The following ZNF287 variants were observed in gnomAD, a reference collection of about 807,000 sequenced individuals.
The protein encoded by ZNF287 is zinc finger protein 287.
A neutral mutation model predicts 73.7 loss-of-function variants in ZNF287; 31 were observed. The ratio of observed to expected loss-of-function variants is 0.42; its 90% confidence interval spans 0.32 to 0.57. The LOEUF is 0.57. Among genes scored for constraint, ZNF287 ranks in the 20% least tolerant of loss-of-function variants. The pLI, the probability that ZNF287 is intolerant of heterozygous loss-of-function variation, is 0.13. For missense variants in ZNF287, 641 were observed against 909.3 expected, an observed-to-expected ratio of 0.70 and a Z score of 3.79; for synonymous variants, 301 against 307.2, an observed-to-expected ratio of 0.98 and a Z score of 0.21.
At position 16,563,840 on chromosome 17, in the gene ZNF287, G is replaced by A. The variant is rs1907590466; in HGVS notation, c.502-15C>T. ...GTCATCGATTCCTAAAATATCAAAT[G>A]TAACTTAACTCAGTTCAAGAACTAA... On this transcript the variant is annotated splice_polypyrimidine_tract_variant and intron_variant, in intron 3 of 5. Coordinates refer to ENST00000395825, the MANE Select transcript of ZNF287 (RefSeq NM_020653.4). The A allele has an allele frequency of 1.9e-6, 3 of 1,611,352 alleles. No homozygotes were observed. The highest frequency in any genetic ancestry group is 1.3e-5 in the African/African-American group (1 of 74,878).
In ZNF287 at chr17:16,553,177, T is replaced by G. The variant is rs547584422; in HGVS notation, c.965A>C (p.Glu322Ala). 23 of 1,605,214 alleles carry G rather than the reference T, an allele frequency of 1.4e-5. No homozygotes were observed. The highest frequency in any genetic ancestry group is 1.9e-5 in the Non-Finnish European group (22 of 1,172,394). The stretch of plus-strand genomic sequence containing the variant: ...CTGTACAATTAGGTTTGAATGCTTT[T>G]CAAAATTATTTCTATATATATCATA... ...SKYDIYRNNF[E>A]KHSNLIVQFD... is the part of the protein sequence containing the mutation. The change falls in exon 6 of 6, where the codon GAA becomes GCA. Residue 322 changes from glutamate (E) to alanine (A), a missense_variant. This residue lies in a region of ZNF287 where 357 missense variants were observed against 442.4 expected (regional missense o/e 0.81). Coordinates refer to ENST00000395825, the MANE Select transcript of ZNF287 (RefSeq NM_020653.4).
chr17:16,562,297 T>C (rs1375603067), intron 5 of ZNF287, among the ~76,000 whole-genome samples: 2 of 152,202 alleles, frequency 1.3e-5, no homozygotes, highest in Admixed American at 6.5e-5. Context: ...CTTTTCAAGA[T>C]ATACTTTTAA....
At position 16,567,656 on chromosome 17, in the gene ZNF287, G is replaced by C. The variant is rs533616694; in HGVS notation, c.76C>G (p.Gln26Glu). 6.2e-7 allele frequency: 1 copy of C among 1,614,200 alleles called. No individual in the cohort carries two copies. Among genetic ancestry groups the C allele is most frequent in the East Asian group, 2.2e-5 (1 of 44,890 alleles). The change falls in exon 2 of 6, where the codon CAG becomes GAG. Residue 26 changes from glutamine (Q) to glutamate (E), a missense_variant. Gln to Glu is a conservative substitution (Grantham distance 29). Around this residue, in one of 2 missense-constraint regions of ZNF287, gnomAD observed 357 missense variants for 442.4 expected, o/e 0.81. Transcript: ENST00000395825. Reference protein sequence around the residue: ...ILLRWKSDKAQSGPYNVEKEI... With the variant: ...ILLRWKSDKAESGPYNVEKEI... Reference sequence around the variant, plus strand: ...TTCTCAACATTGTAGGGTCCACTCTGAGCCTTGTCTGACTTCCACCTTAGA... The same window carrying C: ...TTCTCAACATTGTAGGGTCCACTCTCAGCCTTGTCTGACTTCCACCTTAGA...
At chr17:16,563,536 A>G (rs561640343) in intron 4 of ZNF287, among the ~76,000 whole-genome samples, 163 bp downstream of exon 4, 1 of 152,362 alleles carries the variant, frequency 6.6e-6, no homozygotes, top group South Asian at 2.1e-4. Context: ...TCTCTCACTT[A>G]AGAACCTTTC....
chr17:16,559,362 T>C (rs1201459067), intron 5 of ZNF287: 1 of 152,186 alleles, frequency 6.6e-6, no homozygotes, highest in Non-Finnish European at 1.5e-5. Context: ...TTCTAGACTG[T>C]TTGTTATACT....
intron 5 of ZNF287, among the ~76,000 whole-genome samples, chr17:16,561,182 C>T (rs1907432201): frequency 6.6e-6 from 1 of 152,076 alleles, no homozygotes; most frequent in Middle Eastern, 3.2e-3. Context: ...GGTGTGGTGG[C>T]ACATGCCTCT....
rs1160236189 is a variant in ZNF287 at position 16,567,907 on chromosome 17, C to T, written c.-176G>A. The T allele has an allele frequency of 7.0e-7, 1 of 1,427,710 alleles. No individual in the cohort carries two copies. Among genetic ancestry groups the T allele is most frequent in the African/African-American group, 1.4e-5 (1 of 69,632 alleles). The allele number at this position is 1,427,710 out of a possible 1,614,324, so 88.4% of individuals were successfully genotyped here. ...TTAGTGACAAATTCTGAGCCCAGAA[C>T]TTGCAGGGATGGATAAGAGACCCTG... On this transcript the variant is annotated 5_prime_UTR_variant, in exon 2 of 6. Transcript: ENST00000395825.
At chr17:16,557,003 A>C (rs1292867115) in intron 5 of ZNF287, among the ~76,000 whole-genome samples, 1 of 151,854 alleles carries the variant, frequency 6.6e-6, no homozygotes, top group East Asian at 1.9e-4. Context: ...ATGTGCCACC[A>C]CGCCTGGCTA....
chr17:16,568,807 C>G (rs1488645305), intron 1 of ZNF287, 145 bp downstream of exon 1: 1 of 152,312 alleles, frequency 6.6e-6, no homozygotes, highest in South Asian at 2.1e-4. Flanking sequence ...GACCGTGCGA[C>G]GCGCAACGCT....
At chr17:16,559,130 C>T (rs971791593) in intron 5 of ZNF287, 1 of 151,852 alleles carries the variant, frequency 6.6e-6, no homozygotes, top group Admixed American at 6.6e-5. Flanking sequence ...GGGAAGGATA[C>T]ATCAGAAACC....
Position 16,555,637 on chromosome 17 carries a change from CA to C in ZNF287, c.716-2212del, listed in dbSNP as rs1569016178. Among the ~76,000 whole-genome samples the C allele has an allele frequency of 1.2e-3, 185 of 151,302 alleles. 2 individuals are homozygous for C. The highest frequency in any genetic ancestry group is 4.1e-3 in the African/African-American group (169 of 40,974). On this transcript the variant is annotated intron_variant, in intron 5 of 5. Coordinates refer to ENST00000395825, the MANE Select transcript of ZNF287 (RefSeq NM_020653.4). ...ACACACACACACACACACACACACA[CA>C]CACCCCAAACCAAACCAAAAAGGTT...
At position 16,553,403 on chromosome 17, in the gene ZNF287, A is replaced by G. The variant is rs746780358; in HGVS notation, c.739T>C (p.Cys247Arg). ...TTAGACATATCCTCCACTGGAGTACATGCTTGGGCTTTAGTTTCCCATTCT... is the reference window on the plus strand; with the variant it reads ...TTAGACATATCCTCCACTGGAGTACGTGCTTGGGCTTTAGTTTCCCATTCT... ...SPEWETKAQACTPVEDMSKLT... is the reference protein window; with the variant it reads ...SPEWETKAQARTPVEDMSKLT... The change falls in exon 6 of 6, where the codon TGT becomes CGT. Residue 247 changes from cysteine (C) to arginine (R), a missense_variant. This residue lies in a region of ZNF287 where 357 missense variants were observed against 442.4 expected (regional missense o/e 0.81). Transcript: ENST00000395825. 2 of 1,522,462 alleles carry G rather than the reference A, an allele frequency of 1.3e-6. No homozygotes were observed. The highest frequency in any genetic ancestry group is 2.7e-5 in the South Asian group (2 of 75,084). 94.3% of individuals were successfully genotyped at this position (1,522,462 alleles called of 1,614,324 possible).
rs186544238 is a variant in ZNF287 at position 16,551,573 on chromosome 17, T to C, written c.*283A>G. 128 of 349,668 alleles carry C rather than the reference T, an allele frequency of 3.7e-4. No individual in the cohort carries two copies. The highest frequency in any genetic ancestry group is 2.1e-5 in the Non-Finnish European group (4 of 193,362). 21.7% of individuals were successfully genotyped at this position (349,668 alleles called of 1,614,324 possible). A position where few individuals can be genotyped will look rare whatever the true frequency, so the allele number is the denominator to read the frequency against. On this transcript the variant is annotated 3_prime_UTR_variant, in exon 6 of 6. Transcript: ENST00000395825. ...CGAGTATACCAAAGGATAAGTGTAC[T>C]TGAAATAGAGAGTTGATGAGTTATG...
chr17:16,565,097 G>A (rs1304108006), intron 3 of ZNF287, among the ~76,000 whole-genome samples: 1 of 151,822 alleles, frequency 6.6e-6, no homozygotes, highest in African/African-American at 2.4e-5. Context: ...GCTCATACCT[G>A]TAATCCCAGC....
rs1213391990 is a variant in ZNF287 at position 16,551,976 on chromosome 17, G to A, written c.2166C>T (p.His722=). 1.2e-6 allele frequency: 2 copies of A among 1,613,970 alleles called. No individual in the cohort carries two copies. The highest frequency in any genetic ancestry group is 1.7e-6 in the Non-Finnish European group (2 of 1,179,940). ...GTTTCTCTCCTGTGTGAATTCTCTG[G>A]TGTTGAATAAGGCATGTTCTCTGGC... ...DFSQRTCLIQ[H]QRIHTGEKPY... is the part of the protein sequence containing the mutation. The change falls in exon 6 of 6, where the codon CAC becomes CAT. Residue 722 remains histidine, a synonymous_variant. Coordinates refer to ENST00000395825, the MANE Select transcript of ZNF287 (RefSeq NM_020653.4).
intron 5 of ZNF287, among the ~76,000 whole-genome samples, chr17:16,561,826 T>C (rs1907466895): frequency 6.6e-6 from 1 of 152,234 alleles, no homozygotes; most frequent in African/African-American, 2.4e-5. Context: ...GATTCTGTAC[T>C]GGGGAGAAAA....
intron 5 of ZNF287, among the ~76,000 whole-genome samples, chr17:16,558,596 G>A (rs1907223765): frequency 6.6e-6 from 1 of 152,110 alleles, no homozygotes; most frequent in South Asian, 2.1e-4. Flanking sequence ...CACTGTGCCT[G>A]GCCATATCAT....
rs1906575576 is a variant in ZNF287 at position 16,550,481 on chromosome 17, A to T, written c.*1375T>A. 6.6e-6 allele frequency among the ~76,000 whole-genome samples: 1 copy of T among 152,178 alleles called. No homozygotes were observed. Among genetic ancestry groups the T allele is most frequent in the African/African-American group, 2.4e-5 (1 of 41,454 alleles). ...CCGACCCACATTCTGCAGTGAATTC[A>T]GATCTATTTTCCATTTTTTTCTCAC... On this transcript the variant is annotated 3_prime_UTR_variant, in exon 6 of 6. Coordinates refer to ENST00000395825, the MANE Select transcript of ZNF287 (RefSeq NM_020653.4).
chr17:16,563,194 C>T lies in ZNF287; in HGVS notation c.667G>A (p.Glu223Lys). The T allele has an allele frequency of 6.2e-7, 1 of 1,613,748 alleles. No homozygotes were observed. The highest frequency in any genetic ancestry group is 8.5e-7 in the Non-Finnish European group (1 of 1,179,840). Residue 223 changes from glutamate (E) to lysine (K), a missense_variant, in exon 5 of 6, where the codon GAA (glutamate) becomes AAA (lysine). Glu to Lys is a moderately conservative substitution (Grantham distance 56). Transcript: ENST00000395825. ...VYRPTVIPIL[E>K]EPWMVIKEIL... ...TCTTTTATCACCATCCATGGTTCTT[C>T]CAATATGGGAATCACAGTTGGTCTG...
Sources: gnomAD v4.1 joint callset for allele counts (sites outside exome capture counted in the v4.1 genomes callset) on GRCh38, gnomAD v4.1.1 for gene constraint, gnomAD v4.1.1 regional missense constraint, MANE v1.5 for transcripts, NCBI Gene and HGNC (gene_info 2026-07-23, HGNC 2026-07-21) for gene names.